Variants in TXLNA observed in about 807,000 individuals in gnomAD.
The protein encoded by TXLNA is taxilin alpha, also known as alpha-taxilin.
In TXLNA, 9 loss-of-function variants were observed where a neutral mutation model predicts 61.4. The observed-to-expected ratio is 0.15, with a 90% CI of 0.09 to 0.26. The LOEUF (loss-of-function observed/expected upper bound fraction) is 0.26, where lower values mean the gene tolerates loss of function less well. Ranked by LOEUF, TXLNA falls within the 10% of genes least tolerant of loss-of-function variation. The pLI is 1.00. For synonymous variants in TXLNA, 257 were observed against 267.7 expected (o/e 0.96, Z 0.39); for missense variants, 565 against 688.8 (o/e 0.82, Z 2.01).
intron 4 of TXLNA, among the ~76,000 whole-genome samples, 155 bp from the exon 5 acceptor site, chr1:32,187,799 G>A (rs540452371): frequency 6.6e-6 from 1 of 152,142 alleles, no homozygotes; most frequent in Non-Finnish European, 1.5e-5. Flanking sequence ...TGGGAGGAGC[G>A]TGTAAGCACC....
rs1012684080 is a variant in TXLNA at position 32,197,089 on chromosome 1, C to T, written c.*1894C>T. On this transcript the variant is annotated 3_prime_UTR_variant, in exon 11 of 11. Coordinates refer to ENST00000373610, the MANE Select transcript of TXLNA (RefSeq NM_175852.4). This position sits in a 1 kb window ranked among gnomAD's most constrained non-coding sequence, Gnocchi z 4.6. ...TTTGAATCCCTCTGTCTGGAGTAGT[C>T]CTTGCCTCTTCCTGCTCCAGTAGGG... The T allele has an allele frequency of 7.9e-5, 12 of 152,216 alleles. No homozygotes were observed. The highest frequency in any genetic ancestry group is 1.3e-4 in the Non-Finnish European group (9 of 68,064). The allele number at this position is 152,216 out of a possible 1,614,324, so 9.4% of individuals were successfully genotyped here.
rs762872622 is a variant in TXLNA at position 32,195,099 on chromosome 1, C to T, written c.1545C>T (p.Ser515=). The part of the protein sequence containing the change: ...PEGPGAQAPS[S]PRVTEAPCYP... ...GGCCTGGGGCTCAAGCACCCAGCTC[C>T]CCCAGGGTCACAGAAGCGCCTTGCT... The change falls in exon 11 of 11, where the codon TCC becomes TCT. Residue 515 remains serine (S), a synonymous_variant. Coordinates refer to ENST00000373610, the MANE Select transcript of TXLNA (RefSeq NM_175852.4). 1.9e-6 allele frequency: 3 copies of T among 1,614,136 alleles called. No individual in the cohort carries two copies. The highest frequency in any genetic ancestry group is 2.5e-6 in the Non-Finnish European group (3 of 1,180,000).
Position 32,192,533 on chromosome 1 carries a change from GCA to G in TXLNA, c.1083+106_1083+107del. 1 of 1,591,770 alleles carries G rather than the reference GCA, an allele frequency of 6.3e-7. No homozygotes were observed. The highest frequency in any genetic ancestry group is 8.6e-7 in the Non-Finnish European group (1 of 1,164,828). Reference sequence around the variant, plus strand: ...TATGGGAGAAGTCTGGCCAGACCAGGCACAGATTCCTTGAGTACCAGTCTGAG... The same window carrying G: ...TATGGGAGAAGTCTGGCCAGACCAGGCAGATTCCTTGAGTACCAGTCTGAG... On this transcript the variant is annotated intron_variant, in intron 7 of 10. Coordinates refer to ENST00000373610, the MANE Select transcript of TXLNA (RefSeq NM_175852.4). The surrounding 1 kb of genome is among the most constrained non-coding windows in gnomAD (Gnocchi z 4.2).
chr1:32,193,525 GTTT>G (rs1158450937), intron 9 of TXLNA, among the ~76,000 whole-genome samples: 2 of 143,606 alleles, frequency 1.4e-5, no homozygotes, highest in African/African-American at 5.5e-5. Flanking sequence ...TTTTTGGGGG[GTTT>G]GTTGTTGTTG....
At chr1:32,181,719 A>G in intron 3 of TXLNA, 142 bp downstream of exon 3, 1 of 840,244 alleles carries the variant, frequency 1.2e-6, no homozygotes, top group Non-Finnish European at 1.8e-6. Flanking sequence ...AATCAAAGCC[A>G]GGGATGTGGG....
chr1:32,192,225 G>A lies in TXLNA; in HGVS notation c.964-86G>A. On this transcript the variant is annotated intron_variant, in intron 6 of 10. Transcript: ENST00000373610. This position sits in a 1 kb window ranked among gnomAD's most constrained non-coding sequence, Gnocchi z 4.2. ...ATATCAGATTGAGATGGGGGGCTGG[G>A]CAAAGTGCCCTGGTCTGTGGCTGTG... 6.4e-7 allele frequency: 1 copy of A among 1,559,348 alleles called. No homozygotes were observed. The highest frequency in any genetic ancestry group is 8.7e-7 in the Non-Finnish European group (1 of 1,145,954).
In TXLNA at chr1:32,195,604, C is replaced by G; in HGVS notation, c.*409C>G. 2.5e-6 allele frequency: 1 copy of G among 402,932 alleles called. No homozygotes were observed. The highest frequency in any genetic ancestry group is 1.8e-5 in the South Asian group (1 of 54,628). 25.0% of individuals were successfully genotyped at this position (402,932 alleles called of 1,614,324 possible). ...CAGAGCTCAAGACAAGTAATACACC[C>G]AGGTCTTGACTGCATTTGTCTTGTG... On this transcript the variant is annotated 3_prime_UTR_variant, in exon 11 of 11. Coordinates refer to ENST00000373610, the MANE Select transcript of TXLNA (RefSeq NM_175852.4).
chr1:32,195,740 GC>G lies in TXLNA; in HGVS notation c.*546del. On this transcript the variant is annotated 3_prime_UTR_variant, in exon 11 of 11. Coordinates refer to ENST00000373610, the MANE Select transcript of TXLNA (RefSeq NM_175852.4). The stretch of plus-strand genomic sequence containing the variant: ...GCAGAGCCCTGGCAGGGCGCTCAGA[GC>G]TGGGGATTTCCTGCCTGGAACAAGG... 2.2e-6 allele frequency: 1 copy of G among 456,390 alleles called. No individual in the cohort carries two copies. Among genetic ancestry groups the G allele is most frequent in the Non-Finnish European group, 4.4e-6 (1 of 227,044 alleles). The allele number at this position is 456,390 out of a possible 1,614,324, so 28.3% of individuals were successfully genotyped here. A position where few individuals can be genotyped will look rare whatever the true frequency, so the allele number is the denominator to read the frequency against.
In TXLNA at chr1:32,198,269, AAG is replaced by A. The variant is rs1643067591; in HGVS notation, c.*3077_*3078del. 1 of 152,230 alleles carries A rather than the reference AAG, an allele frequency of 6.6e-6. No homozygotes were observed. Among genetic ancestry groups the A allele is most frequent in the African/African-American group, 2.4e-5 (1 of 41,454 alleles). The allele number at this position is 152,230 out of a possible 1,614,324, so 9.4% of individuals were successfully genotyped here. A position where few individuals can be genotyped will look rare whatever the true frequency, so the allele number is the denominator to read the frequency against. On this transcript the variant is annotated 3_prime_UTR_variant, in exon 11 of 11. Transcript: ENST00000373610. ...GATGTATTTTAAACCACATTAAATA[AAG>A]AGTCTGTTGCCTTACTTGTTTCTCT...
chr1:32,194,937 G>C lies in TXLNA; in HGVS notation c.1383G>C (p.Gln461His). ...GGGATAAAGAACTGGAGGGCCTGCAGGTAAAAATCCAACGGCTGGAGAAGC... is the reference window on the plus strand; with the variant it reads ...GGGATAAAGAACTGGAGGGCCTGCACGTAAAAATCCAACGGCTGGAGAAGC... The part of the protein sequence containing the change: ...TVRDKELEGL[Q>H]VKIQRLEKLC... Residue 461 changes from glutamine to histidine, a missense_variant, in exon 11 of 11, where the codon CAG (glutamine) becomes CAC (histidine). Physicochemically the swap from Gln to His is conservative, Grantham distance 24. Transcript: ENST00000373610. 6.2e-7 allele frequency: 1 copy of C among 1,613,826 alleles called. No homozygotes were observed. The highest frequency in any genetic ancestry group is 8.5e-7 in the Non-Finnish European group (1 of 1,179,890).
chr1:32,186,090 C>T (rs2124144410), intron 4 of TXLNA, among the ~76,000 whole-genome samples: 1 of 152,316 alleles, frequency 6.6e-6, no homozygotes, highest in Admixed American at 6.5e-5. Flanking sequence ...TGGGGAATGT[C>T]ATACCTGCCT....
At chr1:32,193,681 CAG>C (rs1032328751) in intron 9 of TXLNA, among the ~76,000 whole-genome samples, 1 of 152,076 alleles carries the variant, frequency 6.6e-6, no homozygotes, top group African/African-American at 2.4e-5. Flanking sequence ...GCTGGAATTA[CAG>C]GCGCGTGCCA....
intron 4 of TXLNA, among the ~76,000 whole-genome samples, chr1:32,186,494 T>G (rs1006661031): frequency 6.6e-6 from 1 of 152,216 alleles, no homozygotes; most frequent in Non-Finnish European, 1.5e-5. Context: ...AGTGAGACTC[T>G]TCAAGTAGGG....
intron 1 of TXLNA, 64 bp downstream of exon 1, chr1:32,179,840 C>CCGGGGG (rs1642610537): frequency 6.6e-6 from 1 of 152,346 alleles, no homozygotes; most frequent in Non-Finnish European, 1.5e-5. Flanking sequence ...ATGTTCTCGG[C>CCGGGGG]CTGTGGGGAA....
intron 4 of TXLNA, among the ~76,000 whole-genome samples, chr1:32,187,514 C>G (rs1029414154): frequency 1.3e-5 from 2 of 151,990 alleles, no homozygotes; most frequent in African/African-American, 4.8e-5. Context: ...TTGGGGAGAG[C>G]GCTGATGAAC....
intron 3 of TXLNA, among the ~76,000 whole-genome samples, 199 bp from the exon 4 acceptor site, chr1:32,184,324 CTG>C (rs1275045999): frequency 6.6e-6 from 1 of 152,124 alleles, no homozygotes; most frequent in Non-Finnish European, 1.5e-5. Flanking sequence ...AGCATATCCT[CTG>C]TGATGGTACT....
chr1:32,194,295 C>A, intron 10 of TXLNA, 135 bp downstream of exon 10: 1 of 728,232 alleles, frequency 1.4e-6, no homozygotes, highest in Non-Finnish European at 2.3e-6. Context: ...TGTCCAAGTC[C>A]AAAGTTAATG....
Position 32,193,309 on chromosome 1 carries a change from G to T in TXLNA, c.1251+9G>T. The T allele has an allele frequency of 3.1e-6, 5 of 1,606,512 alleles. No individual in the cohort carries two copies. Among genetic ancestry groups the T allele is most frequent in the Non-Finnish European group, 4.3e-6 (5 of 1,173,326 alleles). On this transcript the variant is annotated intron_variant, in intron 9 of 10. Coordinates refer to ENST00000373610, the MANE Select transcript of TXLNA (RefSeq NM_175852.4). Reference sequence around the variant, plus strand: ...AGCAGGAGATGGAAAAGGTAACTGTGGTCCAGGCCAGGCATGGCTGCTGGG... The same window carrying T: ...AGCAGGAGATGGAAAAGGTAACTGTTGTCCAGGCCAGGCATGGCTGCTGGG...
At chr1:32,190,784 C>A (rs1233236838) in intron 6 of TXLNA, among the ~76,000 whole-genome samples, 1 of 152,118 alleles carries the variant, frequency 6.6e-6, no homozygotes, top group Non-Finnish European at 1.5e-5. Flanking sequence ...CTTGCTGCTC[C>A]TGCCACTCAA....
Sources: allele counts gnomAD v4.1 joint callset (sites outside exome capture counted in the v4.1 genomes callset), GRCh38; gene constraint gnomAD v4.1.1; non-coding constraint Gnocchi (gnomAD v3.1); transcripts MANE v1.5; gene names NCBI Gene and HGNC (gene_info 2026-07-23, HGNC 2026-07-21).